Variants in TENM2 observed in about 807,000 individuals in gnomAD.
TENM2 encodes teneurin transmembrane protein 2, also known as teneurin-2.
A neutral mutation model predicts 245.2 loss-of-function variants in TENM2; 52 were observed. The ratio of observed to expected loss-of-function variants is 0.21; its 90% CI spans 0.17 to 0.27. The LOEUF is 0.27. Among genes scored for constraint, TENM2 ranks in the 10% least tolerant of loss-of-function variants. TENM2 has a pLI of 1.00. For synonymous variants in TENM2, 1,363 were observed against 1,438.9 expected, an observed-to-expected ratio of 0.95 and a Z score of 1.19; for missense variants, 3,046 against 3,666.8, an observed-to-expected ratio of 0.83 and a Z score of 4.37.
At chr5:167,710,477 A>G (rs1758838169) in intron 2 of TENM2, among the ~76,000 whole-genome samples, 1 of 152,206 alleles carries the variant, frequency 6.6e-6, no homozygotes, top group African/African-American at 2.4e-5. Flanking sequence ...CAAGTGCCTG[A>G]GCTGACTGTG....
chr5:168,123,376 A>T (rs1795616034), intron 10 of TENM2, among the ~76,000 whole-genome samples: 1 of 152,212 alleles, frequency 6.6e-6, no homozygotes, highest in African/African-American at 2.4e-5. Context: ...AGCATAAAAA[A>T]TGTCTTAGGA....
intron 2 of TENM2, among the ~76,000 whole-genome samples, chr5:167,554,402 A>G (rs866115917): frequency 1.3e-5 from 2 of 152,206 alleles, no homozygotes; most frequent in Non-Finnish European, 1.5e-5. Context: ...TTCTGATCAG[A>G]TGCTTAGATT....
rs149076069 is a variant in TENM2 at position 168,243,228 on chromosome 5, G to A, written c.5521-1192G>A. 1.5e-3 allele frequency among the ~76,000 whole-genome samples: 235 copies of A among 152,268 alleles called. 2 individuals carry two copies. Among genetic ancestry groups the A allele is most frequent in the East Asian group, 0.014 (72 of 5,164 alleles). Reference sequence around the variant, plus strand: ...ACTCAGGGCTAGCTGAATCTCAGGAGCCCCTCTCCTTTGCCCCTCACCAGA... The same window carrying A: ...ACTCAGGGCTAGCTGAATCTCAGGAACCCCTCTCCTTTGCCCCTCACCAGA... On this transcript the variant is annotated intron_variant, in intron 25 of 28. Coordinates refer to ENST00000518659, the Ensembl canonical transcript of TENM2.
At chr5:168,122,075 G>T (rs901975250) in intron 10 of TENM2, among the ~76,000 whole-genome samples, 5 of 152,206 alleles carry the variant, frequency 3.3e-5, no homozygotes, top group African/African-American at 1.2e-4. Context: ...AGCACAGTCT[G>T]TCCTTCATTC....
intron 7 of TENM2, among the ~76,000 whole-genome samples, chr5:168,074,193 C>G (rs527500203): frequency 1.3e-5 from 2 of 152,210 alleles, no homozygotes; most frequent in East Asian, 3.9e-4. Context: ...TTTTTCATTT[C>G]CCCTACATCA....
At position 168,140,438 on chromosome 5, in the gene TENM2, C is replaced by T. The variant is rs565983808; in HGVS notation, c.2422+13472C>T. ...CACCCTTTTCAGCTTATCTTCCTTC[C>T]ATCTGCTCCAAATGGCAGCTAAGCC... On this transcript the variant is annotated intron_variant, in intron 12 of 28. Coordinates refer to ENST00000518659, the Ensembl canonical transcript of TENM2. 9.2e-5 allele frequency among the ~76,000 whole-genome samples: 14 copies of T among 152,272 alleles called. No individual in the cohort carries two copies. The South Asian group carries it at 2.3e-3, about 25-fold the overall frequency.
the TENM2 span, among the ~76,000 whole-genome samples, chr5:167,151,534 T>C: frequency 6.6e-6 from 1 of 152,290 alleles, no homozygotes; most frequent in South Asian, 2.1e-4. Context: ...TTTGTTTTCT[T>C]TTTTAGACGG....
chr5:167,897,887 ATTGT>A (rs1775348243), intron 3 of TENM2, among the ~76,000 whole-genome samples: 1 of 136,762 alleles, frequency 7.3e-6, no homozygotes, highest in African/African-American at 2.7e-5. Context: ...TCCGTAGTAA[ATTGT>A]TTTTTTTTTT....
chr5:168,233,294 C>G (rs2152643855), intron 25 of TENM2, among the ~76,000 whole-genome samples: 1 of 152,178 alleles, frequency 6.6e-6, no homozygotes, highest in East Asian at 1.9e-4. Flanking sequence ...CCACTGCACT[C>G]CAGTCTGGCA....
chr5:168,024,730 G>A (rs1276803464), intron 5 of TENM2, among the ~76,000 whole-genome samples: 1 of 152,160 alleles, frequency 6.6e-6, no homozygotes, highest in Admixed American at 6.5e-5. Flanking sequence ...CCATAACATT[G>A]TTCCCTGACA....
At chr5:167,516,916 A>G (rs566132948) in intron 2 of TENM2, among the ~76,000 whole-genome samples, 1 of 152,238 alleles carries the variant, frequency 6.6e-6, no homozygotes, top group Non-Finnish European at 1.5e-5. Flanking sequence ...TGAGCACAAG[A>G]TATGTATTTT....
At chr5:167,801,112 AT>A (rs1259717847) in intron 2 of TENM2, among the ~76,000 whole-genome samples, 1,509 of 50,764 alleles carry the variant, frequency 0.03, 34 homozygotes, top group Middle Eastern at 0.047. Context: ...AAAAAAAAAT[AT>A]ATATATATAT....
intron 13 of TENM2, among the ~76,000 whole-genome samples, chr5:168,181,346 A>G (rs1195654722): frequency 1.3e-5 from 2 of 152,208 alleles, no homozygotes; most frequent in Non-Finnish European, 1.5e-5. Context: ...ACAGTCTATT[A>G]AAGAGAGGCC....
chr5:167,050,222 G>T, the TENM2 span, among the ~76,000 whole-genome samples: 1 of 152,154 alleles, frequency 6.6e-6, no homozygotes, highest in Admixed American at 6.5e-5. Context: ...CAGCAGGTAA[G>T]CTAGAATTAC....
At chr5:167,201,569 G>A in the TENM2 span, among the ~76,000 whole-genome samples, 1 of 152,104 alleles carries the variant, frequency 6.6e-6, no homozygotes, top group Admixed American at 6.5e-5. Flanking sequence ...GGATTGTAAT[G>A]GGTACGAGCT....
intron 2 of TENM2, among the ~76,000 whole-genome samples, chr5:167,868,622 A>T (rs1254887652): frequency 6.6e-6 from 1 of 151,610 alleles, no homozygotes; most frequent in Non-Finnish European, 1.5e-5. Context: ...CTGTAATCCC[A>T]GCTACTCAGG....
the TENM2 span, among the ~76,000 whole-genome samples, chr5:167,026,066 A>G: frequency 1.3e-5 from 2 of 152,144 alleles, no homozygotes; most frequent in African/African-American, 4.8e-5. Flanking sequence ...AAACAAGATA[A>G]TATGCATCTA....
the TENM2 span, among the ~76,000 whole-genome samples, chr5:167,071,878 G>GCCCCCCCCCCCCCCCCACCCCCCCC: frequency 8.1e-6 from 1 of 124,026 alleles, no homozygotes. Flanking sequence ...TTGACAAATC[G>GCCCCCCCCCCCCCCCCACCCCCCCC]CCCCCCCCCG....
chr5:167,133,306 T>C, the TENM2 span, among the ~76,000 whole-genome samples: 2 of 152,226 alleles, frequency 1.3e-5, no homozygotes, highest in Non-Finnish European at 2.9e-5. Flanking sequence ...CAGCCAGCTC[T>C]GTCCTGATGC....
Sources: allele counts gnomAD v4.1 joint callset (sites outside exome capture counted in the v4.1 genomes callset), GRCh38; gene constraint gnomAD v4.1.1; transcripts MANE v1.5; gene names NCBI Gene and HGNC (gene_info 2026-07-23, HGNC 2026-07-21).